The following DAPK1 variants were observed in gnomAD, a reference collection of about 807,000 sequenced individuals.
DAPK1 encodes the protein death associated protein kinase 1.
DAPK1 carries 56 observed loss-of-function variants against 144.9 expected under a neutral mutation model. The observed-to-expected ratio is 0.39, with a 90% CI of 0.31 to 0.48. The LOEUF is 0.48. DAPK1 is among the 20% of genes least tolerant of loss of function. The pLI, the probability that DAPK1 is intolerant of heterozygous loss-of-function variation, is 0.95. For synonymous variants in DAPK1, 690 were observed against 749.0 expected, an observed-to-expected ratio of 0.92 and a Z score of 1.29; for missense variants, 1,454 against 1,875.4, an observed-to-expected ratio of 0.78 and a Z score of 4.15.
rs549444085 is a variant in DAPK1, at chr9:87,686,378, G to C, written c.2225-173G>C. Among the ~76,000 whole-genome samples the C allele has an allele frequency of 1.3e-5, 2 of 152,166 alleles. No homozygotes were observed. Among genetic ancestry groups the C allele is most frequent in the African/African-American group, 4.8e-5 (2 of 41,440 alleles). On this transcript the variant is annotated intron_variant, in intron 20 of 25. Coordinates refer to ENST00000408954, the MANE Select transcript of DAPK1 (RefSeq NM_004938.4). This position sits in a 1 kb window ranked among gnomAD's most constrained non-coding sequence, Gnocchi z 4.2. ...AGCAAGCGGAAAAGCCCACAGCCTT[G>C]CTGGGAACACTGCTGCCCTGCACGT...
intron 11 of DAPK1, among the ~76,000 whole-genome samples, chr9:87,645,354 A>T (rs1400150895): frequency 6.6e-6 from 1 of 152,046 alleles, no homozygotes; most frequent in Non-Finnish European, 1.5e-5. Flanking sequence ...TGTTTTTTAT[A>T]ATTGGGACCA....
At chr9:87,612,084 C>T (rs867421401) in intron 3 of DAPK1, among the ~76,000 whole-genome samples, 9 of 152,210 alleles carry the variant, frequency 5.9e-5, no homozygotes, top group African/African-American at 1.9e-4. Context: ...CAAGAGCCCA[C>T]TCCCAGGAGC....
chr9:87,530,925 A>G (rs1005446808), intron 2 of DAPK1, among the ~76,000 whole-genome samples: 3 of 150,382 alleles, frequency 2.0e-5, no homozygotes, highest in Non-Finnish European at 4.4e-5. Flanking sequence ...AAAGATTTTA[A>G]GTAACTTCCT....
chr9:87,604,895 C>G, intron 2 of DAPK1, 59 bp from the exon 3 acceptor site: 1 of 1,523,164 alleles, frequency 6.6e-7, no homozygotes, highest in Non-Finnish European at 9.0e-7. Context: ...ATGCCACATC[C>G]TCACTCAAAT....
chr9:87,517,397 C>G (rs1387196528), intron 2 of DAPK1, among the ~76,000 whole-genome samples: 1 of 152,074 alleles, frequency 6.6e-6, no homozygotes, highest in South Asian at 2.1e-4. Context: ...GGTAATTCCT[C>G]ATTGACACAT....
chr9:87,607,767 C>A (rs1247984762), intron 3 of DAPK1, among the ~76,000 whole-genome samples: 1 of 152,134 alleles, frequency 6.6e-6, no homozygotes, highest in Admixed American at 6.5e-5. Flanking sequence ...AATACTACCC[C>A]TTCATGCCTG....
intron 2 of DAPK1, among the ~76,000 whole-genome samples, chr9:87,532,440 A>G (rs1216310102): frequency 1.3e-5 from 2 of 152,286 alleles, no homozygotes; most frequent in East Asian, 3.9e-4. Flanking sequence ...AAACCTGAGA[A>G]TATTTATCCT....
intron 11 of DAPK1, among the ~76,000 whole-genome samples, chr9:87,643,743 C>G (rs1010144704): frequency 6.6e-6 from 1 of 152,034 alleles, no homozygotes; most frequent in South Asian, 2.1e-4. Context: ...CACAGACCAC[C>G]CCCGCAACAC....
At chr9:87,647,967 G>T (rs902540640) in intron 14 of DAPK1, among the ~76,000 whole-genome samples, 1 of 152,186 alleles carries the variant, frequency 6.6e-6, no homozygotes, top group African/African-American at 2.4e-5. Flanking sequence ...GGCTGTGCTG[G>T]AACCTGAACC....
chr9:87,579,207 C>T (rs1200880285), intron 2 of DAPK1, among the ~76,000 whole-genome samples: 1 of 152,192 alleles, frequency 6.6e-6, no homozygotes, highest in Non-Finnish European at 1.5e-5. Flanking sequence ...TTCAGTGCAT[C>T]ACAAAGGGAA....
chr9:87,701,720 AT>A (rs59185381), intron 24 of DAPK1: 52,019 of 243,972 alleles, frequency 0.21, 3,526 homozygotes, highest in East Asian at 0.33. Context: ...CTCTGGGTGT[AT>A]TTTTTTTTTT....
Position 87,707,362 on chromosome 9 carries a change from T to A in DAPK1, c.4291T>A (p.Ter1431ArgextTer18). 1.9e-6 allele frequency: 3 copies of A among 1,593,466 alleles called. No homozygotes were observed. The highest frequency in any genetic ancestry group is 2.6e-6 in the Non-Finnish European group (3 of 1,166,698). Residue 1431 changes from the stop codon to arginine, a stop_lost, in exon 26 of 26, where the codon TGA becomes AGA. Transcript: ENST00000408954. The surrounding 1 kb of genome is among the most constrained non-coding windows in gnomAD (Gnocchi z 4.0). ...TTCCATTAGCTCTGTTGTATCCCGG[T>A]GAGGGCAGCCTCTGGCTTGGGCAGG... is the stretch of plus-strand genomic sequence containing the variant. ...YNSISSVVSR* is the reference protein window; with the variant it reads ...YNSISSVVSRR
Position 87,568,186 on chromosome 9 carries a change from G to A in DAPK1, c.63-36768G>A, listed in dbSNP as rs571286434. Among the ~76,000 whole-genome samples, 4 of 152,358 alleles carry A rather than the reference G, an allele frequency of 2.6e-5. No homozygotes were observed. The East Asian group carries it at 5.8e-4, about 22-fold the overall frequency. Reference sequence around the variant, plus strand: ...GGGCCTGTGTCCAGCTGGAGCGCACGGGGCCATCTGAAGGGGCAGTCGCTA... The same window carrying A: ...GGGCCTGTGTCCAGCTGGAGCGCACAGGGCCATCTGAAGGGGCAGTCGCTA... On this transcript the variant is annotated intron_variant, in intron 2 of 25. Coordinates refer to ENST00000408954, the MANE Select transcript of DAPK1 (RefSeq NM_004938.4).
At chr9:87,574,460 A>G (rs979308264) in intron 2 of DAPK1, among the ~76,000 whole-genome samples, 2 of 152,188 alleles carry the variant, frequency 1.3e-5, no homozygotes, top group African/African-American at 4.8e-5. Flanking sequence ...TATATATATC[A>G]CAGGAAGTTT....
chr9:87,699,903 A>G lies in DAPK1; in HGVS notation c.2751-214A>G, dbSNP rs372878404. Among the ~76,000 whole-genome samples the G allele has an allele frequency of 4.6e-5, 7 of 152,268 alleles. 1 individual carries two copies. In the Middle Eastern group the frequency reaches 0.017, roughly 370 times the overall value. On this transcript the variant is annotated intron_variant, in intron 23 of 25. Coordinates refer to ENST00000408954, the MANE Select transcript of DAPK1 (RefSeq NM_004938.4). The stretch of plus-strand genomic sequence containing the variant: ...ATGCAAACCTGAAGGTCCCGCTCCT[A>G]TGACTCAGACTATATGCCAGTTTCC...
chr9:87,511,952 T>C (rs1824864238), intron 2 of DAPK1, among the ~76,000 whole-genome samples: 1 of 152,186 alleles, frequency 6.6e-6, no homozygotes, highest in South Asian at 2.1e-4. Flanking sequence ...CCTTAGGTGA[T>C]CCACCCACCT....
intron 21 of DAPK1, among the ~76,000 whole-genome samples, chr9:87,693,926 G>GT (rs989563390): frequency 6.6e-6 from 1 of 152,148 alleles, no homozygotes; most frequent in Non-Finnish European, 1.5e-5. Flanking sequence ...GGGATACCAC[G>GT]TGGGCCAGTC....
chr9:87,603,687 G>A (rs1487240095), intron 2 of DAPK1, among the ~76,000 whole-genome samples: 2 of 152,132 alleles, frequency 1.3e-5, no homozygotes, highest in Non-Finnish European at 2.9e-5. Flanking sequence ...CAGGTACCAA[G>A]AAACATACAG....
intron 2 of DAPK1, among the ~76,000 whole-genome samples, chr9:87,585,862 C>T (rs974770336): frequency 1.3e-5 from 2 of 152,176 alleles, no homozygotes; most frequent in Admixed American, 6.5e-5. Flanking sequence ...CAGAAAAGGG[C>T]AAAATCTATC....
Sources: allele counts gnomAD v4.1 joint callset (sites outside exome capture counted in the v4.1 genomes callset), GRCh38; gene constraint gnomAD v4.1.1; non-coding constraint Gnocchi (gnomAD v3.1); transcripts MANE v1.5; gene names NCBI Gene and HGNC (gene_info 2026-07-23, HGNC 2026-07-21).